Variants in CAPS2 observed in about 807,000 individuals in gnomAD.
CAPS2 encodes the protein calcyphosin-2.
In CAPS2, 98 loss-of-function variants were observed where a neutral mutation model predicts 86.5. The observed-to-expected ratio is 1.13, with a 90% CI of 0.96 to 1.34. CAPS2 has a LOEUF of 1.34. Among genes scored for constraint, CAPS2 ranks in the 40% most tolerant of loss-of-function variants. The probability of loss-of-function intolerance (pLI) is 0.00; values close to 1 mark genes in which losing one functional copy is unlikely to be tolerated. For synonymous variants in CAPS2, 210 were observed against 225.1 expected (o/e 0.93, Z 0.60); for missense variants, 729 against 686.8 (o/e 1.06, Z -0.69).
intron 1 of CAPS2, among the ~76,000 whole-genome samples, chr12:75,375,822 C>A (rs892287065): frequency 6.6e-6 from 1 of 152,172 alleles, no homozygotes. Context: ...TTGTCTTTGA[C>A]GGTTGAGTGC....
intron 7 of CAPS2, chr12:75,305,731 G>A: frequency 1.4e-6 from 1 of 690,716 alleles, no homozygotes; most frequent in South Asian, 1.4e-5. Context: ...TGTGGTACAT[G>A]CGGGTCAAGG....
chr12:75,380,719 T>G (rs2044917286), intron 1 of CAPS2, among the ~76,000 whole-genome samples: 1 of 152,128 alleles, frequency 6.6e-6, no homozygotes, highest in Non-Finnish European at 1.5e-5. Context: ...CTAAGTGCCT[T>G]ACATCTAATA....
chr12:75,304,550 A>T (rs140824709), intron 8 of CAPS2, among the ~76,000 whole-genome samples: 1 of 152,196 alleles, frequency 6.6e-6, no homozygotes, highest in Non-Finnish European at 1.5e-5. Flanking sequence ...CAAATAAAAA[A>T]TCTGGAGGGC....
upstream of CAPS2, among the ~76,000 whole-genome samples, chr12:75,328,258 A>G (rs1382827469): frequency 3.3e-5 from 5 of 152,206 alleles, no homozygotes; most frequent in Non-Finnish European, 7.3e-5. Flanking sequence ...AAGTTGAGAT[A>G]AGGACGCTGA....
At chr12:75,355,019 T>C (rs1047243260) in intron 1 of CAPS2, among the ~76,000 whole-genome samples, 2 of 152,022 alleles carry the variant, frequency 1.3e-5, no homozygotes, top group Non-Finnish European at 2.9e-5. Context: ...CCCAAAACTA[T>C]AAAAACCCTA....
At chr12:75,292,738 AT>A (rs1001067741) in intron 12 of CAPS2, among the ~76,000 whole-genome samples, 2 of 147,812 alleles carry the variant, frequency 1.4e-5, no homozygotes, top group African/African-American at 2.5e-5. Flanking sequence ...AGGAATATAT[AT>A]TTTTTAATCA....
intron 1 of CAPS2, chr12:75,343,669 A>T (rs373446913): frequency 3.4e-4 from 532 of 1,551,116 alleles, no homozygotes; most frequent in Admixed American, 6.6e-4. Flanking sequence ...GCACAATTCA[A>T]TTTAAATTAT....
At chr12:75,277,392 G>C (rs1565738261) in exon 17 of CAPS2, 1 of 974,808 alleles carries the variant, frequency 1.0e-6, no homozygotes, top group African/African-American at 1.8e-5. Context: ...CAATTTGTAG[G>C]GTTTAAGATG....
intron 1 of CAPS2, among the ~76,000 whole-genome samples, chr12:75,339,551 C>T (rs2041962427): frequency 6.6e-6 from 1 of 152,160 alleles, no homozygotes; most frequent in Admixed American, 6.5e-5. Context: ...TGTCTGTTCA[C>T]TCTGATGATA....
intron 1 of CAPS2, chr12:75,363,328 T>C: frequency 2.5e-6 from 1 of 403,128 alleles, no homozygotes; most frequent in Middle Eastern, 6.7e-4. Context: ...ATAAATCATG[T>C]CATAAATTGT....
intron 1 of CAPS2, chr12:75,347,788 G>A: frequency 8.0e-6 from 8 of 1,006,112 alleles, no homozygotes; most frequent in Non-Finnish European, 1.2e-5. Context: ...CCAAATAAGA[G>A]GACCTTATAC....
chr12:75,350,952 A>G (rs887952006), intron 1 of CAPS2, among the ~76,000 whole-genome samples: 8 of 152,206 alleles, frequency 5.3e-5, no homozygotes, highest in Non-Finnish European at 1.2e-4. Flanking sequence ...GAACCATGAT[A>G]AAATATTACA....
chr12:75,290,300 ATATT>A (rs2035614004), intron 13 of CAPS2, among the ~76,000 whole-genome samples: 1 of 152,214 alleles, frequency 6.6e-6, no homozygotes, highest in Non-Finnish European at 1.5e-5. Flanking sequence ...CTATACTTAT[ATATT>A]TCATAAGAGG....
At chr12:75,278,312 T>A in exon 17 of CAPS2, 1 of 984,058 alleles carries the variant, frequency 1.0e-6, no homozygotes, top group South Asian at 4.7e-5. Context: ...TAAACCTCCA[T>A]CATTTGAAAT....
At chr12:75,305,908 C>T (rs1372978431) in intron 7 of CAPS2, 11 of 894,700 alleles carry the variant, frequency 1.2e-5, no homozygotes, top group Non-Finnish European at 1.8e-5. Context: ...GTCCAACCTC[C>T]ACACCATGAA....
chr12:75,288,001 C>T (rs151088426), intron 14 of CAPS2, among the ~76,000 whole-genome samples: 2 of 152,292 alleles, frequency 1.3e-5, no homozygotes, highest in East Asian at 1.9e-4. Flanking sequence ...TGGGTTTCTA[C>T]AGCTTGGTAT....
chr12:75,311,741 ACCTGCCT>A (rs2039246680), intron 7 of CAPS2, among the ~76,000 whole-genome samples: 4 of 143,500 alleles, frequency 2.8e-5, no homozygotes, highest in Non-Finnish European at 3.1e-5. Context: ...AAAAAAAAAA[ACCTGCCT>A]CAAAGAAAAT....
chr12:75,299,777 C>T, intron 9 of CAPS2, 60 bp downstream of exon 9: 1 of 817,546 alleles, frequency 1.2e-6, no homozygotes, highest in East Asian at 2.8e-5. Flanking sequence ...CATTTCTATT[C>T]AAAAAGAGAA....
intron 1 of CAPS2, among the ~76,000 whole-genome samples, chr12:75,362,756 T>C (rs1361886473): frequency 6.6e-6 from 1 of 152,196 alleles, no homozygotes; most frequent in Non-Finnish European, 1.5e-5. Flanking sequence ...AACACATGTT[T>C]ATGTTCATAC....
Sources: gnomAD v4.1 joint callset for allele counts (sites outside exome capture counted in the v4.1 genomes callset) on GRCh38, gnomAD v4.1.1 for gene constraint, MANE v1.5 for transcripts, NCBI Gene and HGNC (gene_info 2026-07-23, HGNC 2026-07-21) for gene names.